MLLT10: variants seen among roughly 807,000 people sequenced by gnomAD.
MLLT10 encodes the protein protein AF-10.
MLLT10 carries 30 observed loss-of-function variants against 129.1 expected under a neutral mutation model. The observed-to-expected ratio is 0.23, with a 90% CI of 0.17 to 0.32. The LOEUF (loss-of-function observed/expected upper bound fraction) is 0.32. MLLT10 is among the 10% of genes least tolerant of loss of function. MLLT10 has a pLI of 1.00. For synonymous variants in MLLT10, 490 were observed against 446.4 expected, an observed-to-expected ratio of 1.10 and a Z score of -1.23; for missense variants, 1,119 against 1,268.3, an observed-to-expected ratio of 0.88 and a Z score of 1.79.
chr10:21,604,874 T>TC (rs1216905293), intron 5 of MLLT10, among the ~76,000 whole-genome samples: 4 of 151,744 alleles, frequency 2.6e-5, no homozygotes, highest in Non-Finnish European at 2.9e-5. Flanking sequence ...TTTTTTTTTT[T>TC]CTTATGACTG....
chr10:21,740,936 G>A (rs779818037), intron 22 of MLLT10, among the ~76,000 whole-genome samples: 6 of 152,216 alleles, frequency 3.9e-5, no homozygotes, highest in Non-Finnish European at 7.3e-5. Context: ...GGAAGGCTAT[G>A]GGGATGTAGA....
chr10:21,642,047 C>T (rs1012515787), intron 8 of MLLT10, among the ~76,000 whole-genome samples: 2 of 152,132 alleles, frequency 1.3e-5, no homozygotes, highest in Admixed American at 6.6e-5. Context: ...ATGAGGAGAA[C>T]AGCTAGAAAA....
rs1225893534 is a variant in MLLT10, at chr10:21,552,388, C to CTTT, written c.240+13493_240+13495dup. On this transcript the variant is annotated intron_variant, in intron 3 of 22. Coordinates refer to ENST00000307729, the MANE Select transcript of MLLT10 (RefSeq NM_001195626.3). ...TAAATCTTTGTATATCTTCTTATTG[C>CTTT]TTTTTTTTTTTTTTTTTTTGAGATG... 6.5e-3 allele frequency among the ~76,000 whole-genome samples: 726 copies of CTTT among 112,082 alleles called. 22 individuals are homozygous for CTTT. The highest frequency in any genetic ancestry group is 0.024 in the African/African-American group (685 of 28,288). 73.5% of individuals were successfully genotyped at this position (112,082 alleles called of 152,430 possible). A position where few individuals can be genotyped will look rare whatever the true frequency, so the allele number is the denominator to read the frequency against.
intron 8 of MLLT10, 45 bp from the exon 9 acceptor site, chr10:21,651,628 G>T: frequency 7.3e-7 from 1 of 1,369,142 alleles, no homozygotes; most frequent in Non-Finnish European, 1.0e-6. Flanking sequence ...CATATATGGG[G>T]TTATAGTTAA....
chr10:21,692,171 T>C lies in MLLT10; in HGVS notation c.1699+9914T>C, dbSNP rs576364054. 2.8e-4 allele frequency among the ~76,000 whole-genome samples: 43 copies of C among 151,856 alleles called. No individual in the cohort carries two copies. In the South Asian group the frequency reaches 7.7e-3, roughly 27 times the overall value. On this transcript the variant is annotated intron_variant, in intron 13 of 22. Transcript: ENST00000307729. ...CCTGGGTGACAGATGAGACCCTGTC[T>C]TAGAAAAATAAAAAATAAAAGGACT...
Position 21,673,741 on chromosome 10 carries a change from C to G in MLLT10, c.1443C>G (p.Pro481=), listed in dbSNP as rs1265749887. 6.2e-7 allele frequency: 1 copy of G among 1,613,946 alleles called. No homozygotes were observed. Among genetic ancestry groups the G allele is most frequent in the Admixed American group, 1.7e-5 (1 of 59,978 alleles). Residue 481 remains proline, a synonymous_variant, in exon 11 of 23, where the codon CCC becomes CCG. Transcript: ENST00000307729. ...NKQSKHGPGR[P]KGNKNQENVS... The stretch of plus-strand genomic sequence containing the variant: ...AAAGTAAGCATGGGCCTGGCAGACC[C>G]AAAGGAAACAAAAATCAAGAGAATG...
chr10:21,577,118 CAT>C (rs1228564604), intron 3 of MLLT10, among the ~76,000 whole-genome samples: 1 of 152,208 alleles, frequency 6.6e-6, no homozygotes, highest in Non-Finnish European at 1.5e-5. Flanking sequence ...TAAATGGAAT[CAT>C]ATGATATATG....
intron 3 of MLLT10, among the ~76,000 whole-genome samples, chr10:21,571,744 C>T (rs954236942): frequency 6.6e-6 from 1 of 152,144 alleles, no homozygotes; most frequent in Non-Finnish European, 1.5e-5. Context: ...CGTGTGTTCT[C>T]TTGTGATGAG....
chr10:21,672,662 A>G (rs1328575852), intron 10 of MLLT10, among the ~76,000 whole-genome samples: 1 of 152,184 alleles, frequency 6.6e-6, no homozygotes, highest in Non-Finnish European at 1.5e-5. Context: ...TAAAGAAAGA[A>G]TAAGCAGTGA....
At chr10:21,669,782 A>G (rs972082664) in intron 9 of MLLT10, among the ~76,000 whole-genome samples, 6 of 152,234 alleles carry the variant, frequency 3.9e-5, no homozygotes, top group Admixed American at 6.5e-5. Flanking sequence ...ACAAGTCTTC[A>G]TCTTTTTACC....
intron 13 of MLLT10, among the ~76,000 whole-genome samples, chr10:21,684,907 T>G (rs1176655381): frequency 6.6e-6 from 1 of 152,220 alleles, no homozygotes; most frequent in East Asian, 1.9e-4. Flanking sequence ...AGACCTTGTT[T>G]GTATCTGTTG....
intron 9 of MLLT10, among the ~76,000 whole-genome samples, chr10:21,662,418 T>G (rs926936781): frequency 2.0e-5 from 3 of 151,118 alleles, no homozygotes; most frequent in Non-Finnish European, 2.9e-5. Context: ...GTCTTTTTTC[T>G]CTTTCCTTTT....
At position 21,673,877 on chromosome 10, in the gene MLLT10, A is replaced by T; in HGVS notation, c.1579A>T (p.Ser527Cys). 6.2e-7 allele frequency: 1 copy of T among 1,612,288 alleles called. No homozygotes were observed. Among genetic ancestry groups the T allele is most frequent in the East Asian group, 2.2e-5 (1 of 44,870 alleles). The change falls in exon 11 of 23, where the codon AGT (serine) becomes TGT (cysteine). Residue 527 changes from serine to cysteine, a missense_variant. Ser to Cys is a moderately radical substitution (Grantham distance 112). Around this residue, in one of 5 missense-constraint regions of MLLT10, gnomAD observed 1,004 missense variants for 1,008.7 expected, o/e 1.00. Transcript: ENST00000307729. ...ATCTCCTACATTGCTCAGGAATGGA[A>T]GTTTACAGAGCCTCAGTGTTGGCTC... Reference protein sequence around the residue: ...QKSPTLLRNGSLQSLSVGSSP... With the variant: ...QKSPTLLRNGCLQSLSVGSSP...
At chr10:21,566,867 G>A (rs1214697120) in intron 3 of MLLT10, among the ~76,000 whole-genome samples, 2 of 151,868 alleles carry the variant, frequency 1.3e-5, no homozygotes, top group East Asian at 3.9e-4. Flanking sequence ...AGGCTGAAGT[G>A]CAATGGCATG....
chr10:21,592,479 G>A (rs1165008780), intron 4 of MLLT10, among the ~76,000 whole-genome samples: 5 of 147,836 alleles, frequency 3.4e-5, no homozygotes, highest in Admixed American at 6.8e-5. Context: ...TTTTTGAGAC[G>A]GAGTCTCACT....
intron 8 of MLLT10, among the ~76,000 whole-genome samples, chr10:21,647,345 A>G (rs1285392545): frequency 6.6e-6 from 1 of 152,166 alleles, no homozygotes; most frequent in Non-Finnish European, 1.5e-5. Context: ...GTATTTTTAT[A>G]GTTTCTAACT....
Position 21,742,342 on chromosome 10 carries a change from C to G in MLLT10, c.*359C>G, listed in dbSNP as rs575696904. The G allele has an allele frequency of 7.9e-6, 2 of 252,678 alleles. No individual in the cohort carries two copies. Among genetic ancestry groups the G allele is most frequent in the Admixed American group, 5.4e-5 (1 of 18,370 alleles). The allele number at this position is 252,678 out of a possible 1,614,324, so 15.7% of individuals were successfully genotyped here. On this transcript the variant is annotated 3_prime_UTR_variant, in exon 23 of 23. Coordinates refer to ENST00000307729, the MANE Select transcript of MLLT10 (RefSeq NM_001195626.3). The stretch of plus-strand genomic sequence containing the variant: ...TAAATTGGAGATGCAAATAGCAAAA[C>G]TAAATACTTGCTCCATTTACAAACT...
At chr10:21,671,550 C>T (rs2051405153) in intron 10 of MLLT10, among the ~76,000 whole-genome samples, 1 of 152,076 alleles carries the variant, frequency 6.6e-6, no homozygotes, top group African/African-American at 2.4e-5. Context: ...TATTATGAGG[C>T]TCAGTCAGGT....
At position 21,693,925 on chromosome 10, in the gene MLLT10, A is replaced by C. The variant is rs2054122114; in HGVS notation, c.1699+11668A>C. Among the ~76,000 whole-genome samples, 4 of 152,160 alleles carry C rather than the reference A, an allele frequency of 2.6e-5. No homozygotes were observed. In the South Asian group the frequency reaches 8.3e-4, roughly 32 times the overall value. On this transcript the variant is annotated intron_variant, in intron 13 of 22. Transcript: ENST00000307729. ...ACTATTGAGTGAAGAATTTTAGTGA[A>C]CATGTTGTTTTCAAGTTTGAATTCT...
Sources: allele counts gnomAD v4.1 joint callset (sites outside exome capture counted in the v4.1 genomes callset), GRCh38; gene constraint gnomAD v4.1.1; regional missense constraint gnomAD v4.1.1; transcripts MANE v1.5; gene names NCBI Gene and HGNC (gene_info 2026-07-23, HGNC 2026-07-21).